SMARCAL1: variants seen among roughly 807,000 people sequenced by gnomAD.
SMARCAL1 encodes SNF2 related chromatin remodeling annealing helicase 1, also known as ATP-driven annealing helicase.
SMARCAL1 carries 58 observed loss-of-function variants against 94.5 expected under a neutral mutation model. The observed-to-expected ratio is 0.61, with a 90% confidence interval of 0.50 to 0.76. The LOEUF is 0.76. Among genes scored for constraint, SMARCAL1 ranks in the 30% least tolerant of loss-of-function variants. SMARCAL1 has a pLI of 0.00. For missense variants in SMARCAL1, 1,051 were observed against 1,177.9 expected, an observed-to-expected ratio of 0.89 and a Z score of 1.58; for synonymous variants, 422 against 455.1, an observed-to-expected ratio of 0.93 and a Z score of 0.93.
At chr2:216,422,857 G>A (rs1156352499) in intron 5 of SMARCAL1, among the ~76,000 whole-genome samples, 3 of 152,132 alleles carry the variant, frequency 2.0e-5, no homozygotes, top group Non-Finnish European at 4.4e-5. Flanking sequence ...GCCACCATTG[G>A]GTAGAAAGAT....
chr2:216,433,933 A>C (rs78713939), intron 8 of SMARCAL1, among the ~76,000 whole-genome samples: 1 of 151,214 alleles, frequency 6.6e-6, no homozygotes, highest in Non-Finnish European at 1.5e-5. Context: ...AAAAAAAAAA[A>C]ACACTAAAAA....
rs530406110 is a variant in SMARCAL1 at position 216,415,936 on chromosome 2, G to A, written c.812-321G>A. The A allele has an allele frequency of 2.4e-5, 10 of 417,568 alleles. No individual in the cohort carries two copies. In the East Asian group the frequency reaches 4.9e-4, roughly 20 times the overall value. 25.9% of individuals were successfully genotyped at this position (417,568 alleles called of 1,614,324 possible). A position where few individuals can be genotyped will look rare whatever the true frequency, so the allele number is the denominator to read the frequency against. ...CAGGATGTGACTAGCTCAATTACAG[G>A]CCAGAGCCATTACTCCTCATACTGC... On this transcript the variant is annotated intron_variant, in intron 3 of 17. Coordinates refer to ENST00000357276, the MANE Select transcript of SMARCAL1 (RefSeq NM_014140.4).
chr2:216,417,701 G>A (rs1179563745), intron 4 of SMARCAL1, among the ~76,000 whole-genome samples: 1 of 152,178 alleles, frequency 6.6e-6, no homozygotes, highest in Non-Finnish European at 1.5e-5. Flanking sequence ...TCTAGTGAGG[G>A]CTCATTTTTT....
In SMARCAL1 at chr2:216,446,560, A is replaced by G. The variant is rs953285579; in HGVS notation, c.1711-458A>G. ...CAGATCCACTCTGGAGGAAGTTCAGACCTGCCACTGTCTTCTCCCACTTCC... is the reference window on the plus strand; with the variant it reads ...CAGATCCACTCTGGAGGAAGTTCAGGCCTGCCACTGTCTTCTCCCACTTCC... On this transcript the variant is annotated intron_variant, in intron 10 of 17. Coordinates refer to ENST00000357276, the MANE Select transcript of SMARCAL1 (RefSeq NM_014140.4). 3 of 399,378 alleles carry G rather than the reference A, an allele frequency of 7.5e-6. No homozygotes were observed. In the East Asian group the frequency reaches 2.2e-4, roughly 29 times the overall value. 24.7% of individuals were successfully genotyped at this position (399,378 alleles called of 1,614,324 possible).
At chr2:216,429,490 C>T (rs1178004290) in intron 7 of SMARCAL1, among the ~76,000 whole-genome samples, 1 of 152,122 alleles carries the variant, frequency 6.6e-6, no homozygotes, top group Non-Finnish European at 1.5e-5. Context: ...TCCAGAGTTT[C>T]TTGGGAGAAG....
chr2:216,450,142 G>C (rs181106400), intron 11 of SMARCAL1, among the ~76,000 whole-genome samples: 1 of 152,300 alleles, frequency 6.6e-6, no homozygotes, highest in East Asian at 1.9e-4. Context: ...GAGCCACTGC[G>C]TCTGGCCAGT....
chr2:216,423,667 A>G lies in SMARCAL1; in HGVS notation c.1131A>G (p.Glu377=), dbSNP rs2106023897. 6.2e-7 allele frequency: 1 copy of G among 1,613,928 alleles called. No individual in the cohort carries two copies. The highest frequency in any genetic ancestry group is 8.5e-7 in the Non-Finnish European group (1 of 1,179,780). Residue 377 remains glutamate, a synonymous_variant, in exon 6 of 18, where the codon GAA becomes GAG. Transcript: ENST00000357276. ...VKTRKWSFLL[E]EHSKLIAKVR... ...CCAGGAAGTGGAGCTTTCTCTTGGA[A>G]GAGCACAGTAAACTAAGTGAGAAGC...
intron 17 of SMARCAL1, 35 bp downstream of exon 17, chr2:216,478,334 A>T: frequency 6.6e-7 from 1 of 1,513,592 alleles, no homozygotes. Flanking sequence ...CCCCTGGAGC[A>T]GAGGGAGGCA....
intron 5 of SMARCAL1, among the ~76,000 whole-genome samples, chr2:216,421,099 G>T (rs1373510077): frequency 6.6e-6 from 1 of 152,092 alleles, no homozygotes; most frequent in Admixed American, 6.5e-5. Flanking sequence ...TCTGCTCTCG[G>T]CCTGCCCATC....
At chr2:216,469,227 C>T (rs1054265484) in intron 14 of SMARCAL1, among the ~76,000 whole-genome samples, 43 of 150,774 alleles carry the variant, frequency 2.9e-4, no homozygotes, top group Admixed American at 2.6e-3. Context: ...AATGACAGCA[C>T]GGTGTAATTA....
chr2:216,472,625 G>A (rs1052246487), intron 14 of SMARCAL1, among the ~76,000 whole-genome samples: 3 of 149,480 alleles, frequency 2.0e-5, no homozygotes, highest in African/African-American at 7.4e-5. Flanking sequence ...ACAAATAATG[G>A]TTTTTACATG....
At position 216,453,030 on chromosome 2, in the gene SMARCAL1, G is replaced by T. The variant is rs183789765; in HGVS notation, c.2070+1966G>T. On this transcript the variant is annotated intron_variant, in intron 12 of 17. Coordinates refer to ENST00000357276, the MANE Select transcript of SMARCAL1 (RefSeq NM_014140.4). ...ACGGAGCCACAACTCCCTTTTGGTT[G>T]TGGAAAAGTACATAAGGATAGTGCC... Among the ~76,000 whole-genome samples the T allele has an allele frequency of 2.4e-3, 360 of 152,298 alleles. 1 individual carries two copies. The highest frequency in any genetic ancestry group is 4.1e-3 in the Non-Finnish European group (279 of 68,026).
chr2:216,468,082 T>C, intron 14 of SMARCAL1, 36 bp downstream of exon 14: 1 of 1,449,232 alleles, frequency 6.9e-7, no homozygotes, highest in African/African-American at 1.4e-5. Context: ...GGGCTACTTT[T>C]GCCATGTCCC....
In SMARCAL1 at chr2:216,447,039, T is replaced by C. The variant is rs370667576; in HGVS notation, c.1732T>C (p.Leu578=). 134 of 1,613,888 alleles carry C rather than the reference T, an allele frequency of 8.3e-5. No individual in the cohort carries two copies. The highest frequency in any genetic ancestry group is 1.0e-4 in the Non-Finnish European group (123 of 1,180,022). Residue 578 remains leucine (L), a synonymous_variant, in exon 11 of 18, where the codon TTG becomes CTG. Coordinates refer to ENST00000357276, the MANE Select transcript of SMARCAL1 (RefSeq NM_014140.4). ...TTAGGTTGCCAAGAGGGTGATCCTG[T>C]TGTCGGGCACACCAGCCATGTCCCG... is the stretch of plus-strand genomic sequence containing the variant. ...VLKVAKRVIL[L]SGTPAMSRPA...
chr2:216,435,278 C>A, intron 8 of SMARCAL1, 60 bp from the exon 9 acceptor site: 2 of 1,583,752 alleles, frequency 1.3e-6, no homozygotes, highest in Non-Finnish European at 1.7e-6. Flanking sequence ...GCTGCTGTCA[C>A]AACCAACAGC....
chr2:216,442,398 C>G (rs1298593496), intron 10 of SMARCAL1, among the ~76,000 whole-genome samples: 1 of 135,232 alleles, frequency 7.4e-6, no homozygotes, highest in Non-Finnish European at 1.5e-5. Context: ...GCCTGAGCAA[C>G]ACAGCTAGAC....
chr2:216,468,409 C>T (rs950336754), intron 14 of SMARCAL1, among the ~76,000 whole-genome samples: 2 of 152,160 alleles, frequency 1.3e-5, no homozygotes, highest in African/African-American at 4.8e-5. Flanking sequence ...CTTTTCCTTC[C>T]TTTCATTCCT....
At chr2:216,438,271 C>A in intron 9 of SMARCAL1, 149 bp from the exon 10 acceptor site, 1 of 726,394 alleles carries the variant, frequency 1.4e-6, no homozygotes, top group Non-Finnish European at 2.5e-6. Flanking sequence ...GGGTCCTGAC[C>A]TAGGCCCAGT....
intron 9 of SMARCAL1, among the ~76,000 whole-genome samples, chr2:216,437,299 G>GT (rs1180446885): frequency 6.6e-6 from 1 of 152,162 alleles, no homozygotes; most frequent in Non-Finnish European, 1.5e-5. Flanking sequence ...GCATATGACC[G>GT]TAACACTCCA....
Sources: allele counts gnomAD v4.1 joint callset (sites outside exome capture counted in the v4.1 genomes callset), GRCh38; gene constraint gnomAD v4.1.1; transcripts MANE v1.5; gene names NCBI Gene and HGNC (gene_info 2026-07-23, HGNC 2026-07-21).